Variants in NFAM1 observed in about 807,000 individuals in gnomAD.
The protein encoded by NFAM1 is NFAT activation molecule 1.
A neutral mutation model predicts 29.0 loss-of-function variants in NFAM1; 17 were observed. The ratio of observed to expected loss-of-function variants is 0.59; its 90% CI spans 0.40 to 0.88. NFAM1 has a LOEUF of 0.88. Ranked by LOEUF, NFAM1 falls within the 40% of genes least tolerant of loss-of-function variation. The pLI is 0.00. For synonymous variants in NFAM1, 175 were observed against 147.2 expected, an observed-to-expected ratio of 1.19 and a Z score of -1.36; for missense variants, 324 against 344.6, an observed-to-expected ratio of 0.94 and a Z score of 0.47.
rs944945618 is a variant in NFAM1, at chr22:42,380,931, T to C, written c.*4230A>G. On this transcript the variant is annotated 3_prime_UTR_variant, in exon 6 of 6. Transcript: ENST00000329021. ...AGGCCACCAGGCTCAGTTCCTGCAA[T>C]ATTGGCTGTGAAGGGAACCCCAGCC... is the stretch of plus-strand genomic sequence containing the variant. The C allele has an allele frequency of 6.6e-6, 1 of 152,374 alleles. No homozygotes were observed. Among genetic ancestry groups the C allele is most frequent in the Non-Finnish European group, 1.5e-5 (1 of 68,032 alleles). The allele number at this position is 152,374 out of a possible 1,614,324, so 9.4% of individuals were successfully genotyped here. A position where few individuals can be genotyped will look rare whatever the true frequency, so the allele number is the denominator to read the frequency against.
chr22:42,400,825 C>T (rs1176303822), intron 3 of NFAM1, among the ~76,000 whole-genome samples: 2 of 152,212 alleles, frequency 1.3e-5, no homozygotes, highest in African/African-American at 2.4e-5. Context: ...CAGCTGGGGA[C>T]CTAGTGTCTG....
At chr22:42,426,054 C>A (rs1930612109) in intron 1 of NFAM1, among the ~76,000 whole-genome samples, 1 of 152,170 alleles carries the variant, frequency 6.6e-6, no homozygotes, top group South Asian at 2.1e-4. Context: ...ACCCAGGGAG[C>A]AGTGTAGAAA....
chr22:42,396,653 G>A (rs887127613), intron 4 of NFAM1, among the ~76,000 whole-genome samples: 3 of 152,080 alleles, frequency 2.0e-5, no homozygotes, highest in East Asian at 1.9e-4. Context: ...GGAAGTCTCC[G>A]GCCACGTGCA....
intron 3 of NFAM1, among the ~76,000 whole-genome samples, chr22:42,401,121 G>T (rs1046166844): frequency 2.6e-5 from 4 of 152,328 alleles, no homozygotes; most frequent in African/African-American, 9.6e-5. Context: ...TGCCACTGGG[G>T]ATCCCAAGAA....
rs959827813 is a variant in NFAM1, at chr22:42,409,131, G to C, written c.564+304C>G. ...ACCTGAGCAGGGATTCCCTAATCTGGGGAGCTAGAAATGGTAGGCAGGAGG... is the reference window on the plus strand; with the variant it reads ...ACCTGAGCAGGGATTCCCTAATCTGCGGAGCTAGAAATGGTAGGCAGGAGG... On this transcript the variant is annotated intron_variant, in intron 3 of 5. Transcript: ENST00000329021. This position sits in a 1 kb window ranked among gnomAD's most constrained non-coding sequence, Gnocchi z 4.9. Among the ~76,000 whole-genome samples, 1 of 152,296 alleles carries C rather than the reference G, an allele frequency of 6.6e-6. No individual in the cohort carries two copies. Among genetic ancestry groups the C allele is most frequent in the Non-Finnish European group, 1.5e-5 (1 of 68,014 alleles).
At chr22:42,428,936 G>A (rs1930711440) in intron 1 of NFAM1, among the ~76,000 whole-genome samples, 1 of 152,200 alleles carries the variant, frequency 6.6e-6, no homozygotes, top group African/African-American at 2.4e-5. Flanking sequence ...AGCTGCTCCT[G>A]GAAAAGCCAA....
At chr22:42,434,423 C>G (rs35107744), upstream of NFAM1, among the ~76,000 whole-genome samples, 35,861 of 152,074 alleles carry the variant, frequency 0.24, 5,176 homozygotes, top group African/African-American at 0.41. Flanking sequence ...GGCTGTGGAG[C>G]GCAGACATGA....
intron 4 of NFAM1, among the ~76,000 whole-genome samples, chr22:42,392,666 G>A (rs1300688232): frequency 4.6e-5 from 7 of 152,136 alleles, no homozygotes; most frequent in African/African-American, 1.7e-4. Context: ...ATGGAACTAA[G>A]ACTCAGAAAG....
At chr22:42,403,566 C>T (rs1211446013) in intron 3 of NFAM1, among the ~76,000 whole-genome samples, 1 of 152,246 alleles carries the variant, frequency 6.6e-6, no homozygotes, top group African/African-American at 2.4e-5. Flanking sequence ...GATCAGCCAA[C>T]CTGAGCCTCC....
At chr22:42,425,572 C>T (rs183660987) in intron 1 of NFAM1, among the ~76,000 whole-genome samples, 21 of 152,268 alleles carry the variant, frequency 1.4e-4, no homozygotes, top group African/African-American at 5.1e-4. Context: ...CCCTGTCTGC[C>T]GCCTCCTGCC....
upstream of NFAM1, chr22:42,437,174 G>A (rs1930962443): frequency 5.7e-6 from 1 of 174,024 alleles, no homozygotes; most frequent in Non-Finnish European, 1.0e-5. Flanking sequence ...ATGGAGTCTC[G>A]CTCCGTCACC....
chr22:42,387,147 G>A (rs1386299751), intron 4 of NFAM1, 69 bp from the exon 5 acceptor site: 1 of 910,528 alleles, frequency 1.1e-6, no homozygotes, highest in Non-Finnish European at 1.7e-6. Context: ...CCAGCAGCCA[G>A]CCCCCTGCCT....
At chr22:42,422,070 A>G (rs1930463430) in intron 1 of NFAM1, among the ~76,000 whole-genome samples, 1 of 152,226 alleles carries the variant, frequency 6.6e-6, no homozygotes, top group Non-Finnish European at 1.5e-5. Context: ...TGCCTTTGGA[A>G]TGGCGCCATC....
intron 5 of NFAM1, 108 bp from the exon 6 acceptor site, chr22:42,385,328 T>G: frequency 1.2e-6 from 1 of 807,590 alleles, no homozygotes; most frequent in South Asian, 1.4e-5. Flanking sequence ...GATCACTTCC[T>G]GTGTAGCTTT....
intron 1 of NFAM1, among the ~76,000 whole-genome samples, chr22:42,418,970 G>C (rs556863681): frequency 1.6e-4 from 24 of 152,160 alleles, no homozygotes; most frequent in African/African-American, 5.5e-4. Context: ...GAAAGAGTTT[G>C]TCAACCGCCC....
At chr22:42,427,958 T>G (rs1011707433) in intron 1 of NFAM1, among the ~76,000 whole-genome samples, 4 of 152,200 alleles carry the variant, frequency 2.6e-5, no homozygotes, top group African/African-American at 9.6e-5. Flanking sequence ...GATGTTCTCA[T>G]TCTTGACCTG....
intron 3 of NFAM1, among the ~76,000 whole-genome samples, chr22:42,399,593 G>A (rs930723191): frequency 1.3e-5 from 2 of 152,160 alleles, no homozygotes; most frequent in African/African-American, 2.4e-5. Flanking sequence ...CTGAGGGCTC[G>A]AAGTGGGAGC....
chr22:42,401,007 C>T (rs1162389156), intron 3 of NFAM1, among the ~76,000 whole-genome samples: 3 of 152,158 alleles, frequency 2.0e-5, no homozygotes, highest in Non-Finnish European at 2.9e-5. Flanking sequence ...GGCCCTCCTA[C>T]GCGCTGGGCC....
intron 3 of NFAM1, 56 bp from the exon 4 acceptor site, chr22:42,398,012 C>CGGGGAGGA: frequency 1.1e-6 from 1 of 914,858 alleles, no homozygotes; most frequent in Non-Finnish European, 1.7e-6. Context: ...TTCCTCCCCG[C>CGGGGAGGA]ACAGACCCCC....
Sources: allele counts gnomAD v4.1 joint callset (sites outside exome capture counted in the v4.1 genomes callset), GRCh38; gene constraint gnomAD v4.1.1; non-coding constraint Gnocchi (gnomAD v3.1); transcripts MANE v1.5; gene names NCBI Gene and HGNC (gene_info 2026-07-23, HGNC 2026-07-21).